CLGN: variants seen among roughly 807,000 people sequenced by gnomAD.
CLGN encodes the protein calmegin.
CLGN carries 62 observed loss-of-function variants against 79.1 expected under a neutral mutation model. The ratio of observed to expected loss-of-function variants is 0.78; its 90% CI spans 0.64 to 0.97. The LOEUF (loss-of-function observed/expected upper bound fraction) is 0.97. Ranked by LOEUF, CLGN falls within the 50% of genes least tolerant of loss-of-function variation. CLGN has a pLI of 0.00. For synonymous variants in CLGN, 225 were observed against 224.7 expected (o/e 1.00, Z -0.01); for missense variants, 647 against 715.5 (o/e 0.90, Z 1.09).
intron 5 of CLGN, among the ~76,000 whole-genome samples, chr4:140,405,595 T>G (rs1729092147): frequency 1.3e-5 from 2 of 152,206 alleles, no homozygotes; most frequent in South Asian, 2.1e-4. Flanking sequence ...ATTTTTAAAT[T>G]TTTTTAAGAG....
At chr4:140,406,200 A>T (rs548683324) in intron 4 of CLGN, 117 bp from the exon 5 acceptor site, 2 of 953,142 alleles carry the variant, frequency 2.1e-6, no homozygotes, top group African/African-American at 3.4e-5. Context: ...GAAAAATAAA[A>T]ATTTTAAATC....
At chr4:140,414,773 T>G (rs1215105920) in intron 1 of CLGN, among the ~76,000 whole-genome samples, 1 of 149,180 alleles carries the variant, frequency 6.7e-6, no homozygotes, top group Non-Finnish European at 1.5e-5. Context: ...TGGAAAACAC[T>G]CTGCAGGATA....
intron 1 of CLGN, among the ~76,000 whole-genome samples, chr4:140,420,305 A>G: frequency 6.6e-6 from 1 of 152,160 alleles, no homozygotes; most frequent in East Asian, 1.9e-4. Flanking sequence ...CCTTAGAAAT[A>G]GTTGCCAATG....
chr4:140,411,076 A>G (rs1729202293), intron 2 of CLGN, among the ~76,000 whole-genome samples: 1 of 152,114 alleles, frequency 6.6e-6, no homozygotes, highest in South Asian at 2.1e-4. Context: ...GAGTGAAAAG[A>G]TTCTATGGAG....
At chr4:140,424,930 G>C (rs1157280217) in intron 1 of CLGN, among the ~76,000 whole-genome samples, 3 of 152,108 alleles carry the variant, frequency 2.0e-5, no homozygotes, top group African/African-American at 7.2e-5. Context: ...AAGTAGTCTG[G>C]TCTACTTTAA....
chr4:140,419,762 A>G (rs1471774831), intron 1 of CLGN, among the ~76,000 whole-genome samples: 7 of 152,204 alleles, frequency 4.6e-5, no homozygotes, highest in Non-Finnish European at 8.8e-5. Flanking sequence ...GCTGTCATTA[A>G]CTAGGATTTG....
intron 4 of CLGN, among the ~76,000 whole-genome samples, chr4:140,407,731 A>C (rs1434564989): frequency 6.6e-6 from 1 of 152,186 alleles, no homozygotes; most frequent in Non-Finnish European, 1.5e-5. Flanking sequence ...GATTGGAAGA[A>C]TCAATATCAT....
chr4:140,403,293 G>A (rs1268054933), intron 5 of CLGN, among the ~76,000 whole-genome samples: 2 of 152,102 alleles, frequency 1.3e-5, no homozygotes, highest in African/African-American at 4.8e-5. Flanking sequence ...ATGCAGACAT[G>A]GCCCATACTT....
chr4:140,418,046 C>T (rs1331621772), intron 1 of CLGN, among the ~76,000 whole-genome samples: 12 of 151,946 alleles, frequency 7.9e-5, no homozygotes, highest in South Asian at 6.3e-4. Flanking sequence ...GAAATAACGC[C>T]GCATATCTAC....
At chr4:140,400,740 T>A (rs1728985414) in intron 6 of CLGN, among the ~76,000 whole-genome samples, 191 bp from the exon 7 acceptor site, 1 of 152,160 alleles carries the variant, frequency 6.6e-6, no homozygotes, top group Non-Finnish European at 1.5e-5. Context: ...TAGATTTTTT[T>A]AAGTACACAC....
At chr4:140,419,118 C>G (rs1364129350) in intron 1 of CLGN, among the ~76,000 whole-genome samples, 3 of 151,994 alleles carry the variant, frequency 2.0e-5, no homozygotes, top group Non-Finnish European at 4.4e-5. Flanking sequence ...AAACCAAACA[C>G]CGCATATTCT....
chr4:140,407,494 A>C lies in CLGN; in HGVS notation c.278-1411T>G, dbSNP rs111315810. 7.6e-3 allele frequency among the ~76,000 whole-genome samples: 1,161 copies of C among 152,208 alleles called. 12 individuals are homozygous for C. Among genetic ancestry groups the C allele is most frequent in the African/African-American group, 0.026 (1,063 of 41,528 alleles). On this transcript the variant is annotated intron_variant, in intron 4 of 14. Transcript: ENST00000325617. ...ATTCAATAAAAGTCTCAGCTTACAA[A>C]ATCAATGTACACAAATCAGTAGTAC...
intron 8 of CLGN, among the ~76,000 whole-genome samples, chr4:140,397,870 T>A (rs1728924880): frequency 6.6e-6 from 1 of 152,132 alleles, no homozygotes; most frequent in African/African-American, 2.4e-5. Context: ...CGCCATTGCA[T>A]TCTAACCTGG....
intron 8 of CLGN, among the ~76,000 whole-genome samples, chr4:140,396,879 A>G (rs1364668690): frequency 3.0e-5 from 2 of 65,830 alleles, no homozygotes; most frequent in African/African-American, 6.6e-5. Flanking sequence ...ATATACATAT[A>G]TATATATATA....
chr4:140,406,745 T>C (rs756802744), intron 4 of CLGN, among the ~76,000 whole-genome samples: 1 of 152,228 alleles, frequency 6.6e-6, no homozygotes, highest in Non-Finnish European at 1.5e-5. Context: ...AGGACATTCC[T>C]GAAATTAGAT....
At chr4:140,402,095 C>A (rs370810000) in intron 5 of CLGN, 29 bp from the exon 6 acceptor site, 10 of 1,157,288 alleles carry the variant, frequency 8.6e-6, no homozygotes, top group Non-Finnish European at 1.2e-5. Context: ...AACCGTACTA[C>A]TGATAAATAA....
rs1728977660 is a variant in CLGN at position 140,400,424 on chromosome 4, A to G, written c.627T>C (p.His209=). ...TAAGGTCTACATCTGGAGGTTTGGC[A>G]TGTTTCTCTTCGAAAACTCCAGTTT... ...HPKTGVFEEK[H]AKPPDVDLKK... The change falls in exon 7 of 15, where the codon CAT becomes CAC. Residue 209 remains histidine, a synonymous_variant. Coordinates refer to ENST00000325617, the MANE Select transcript of CLGN (RefSeq NM_004362.3). 3.1e-6 allele frequency: 5 copies of G among 1,613,454 alleles called. No homozygotes were observed. The East Asian group carries it at 1.1e-4, about 36-fold the overall frequency.
chr4:140,401,166 A>G (rs923974552), intron 6 of CLGN, among the ~76,000 whole-genome samples: 1 of 152,174 alleles, frequency 6.6e-6, no homozygotes, highest in African/African-American at 2.4e-5. Flanking sequence ...AAGTATGGAG[A>G]TGATAATAGT....
At chr4:140,398,715 A>G in intron 8 of CLGN, 136 bp downstream of exon 8, 1 of 667,994 alleles carries the variant, frequency 1.5e-6, no homozygotes, top group East Asian at 3.0e-5. Flanking sequence ...TTTAGAAAAT[A>G]TTTCACCCAA....
Sources: allele counts gnomAD v4.1 joint callset (sites outside exome capture counted in the v4.1 genomes callset), GRCh38; gene constraint gnomAD v4.1.1; transcripts MANE v1.5; gene names NCBI Gene and HGNC (gene_info 2026-07-23, HGNC 2026-07-21).